The following ANKH variants were observed in gnomAD, a reference collection of about 807,000 sequenced individuals.
The protein encoded by ANKH is ANKH inorganic pyrophosphate transport regulator.
Under a neutral mutation model 49.0 loss-of-function variants are expected in ANKH, and 15 were observed. The ratio of observed to expected loss-of-function variants is 0.31; its 90% confidence interval spans 0.20 to 0.47. The LOEUF (loss-of-function observed/expected upper bound fraction) is 0.47. Ranked by LOEUF, ANKH falls within the 20% of genes least tolerant of loss-of-function variation. The probability of loss-of-function intolerance (pLI) is 1.00; values close to 1 mark genes in which losing one functional copy is unlikely to be tolerated. For synonymous variants in ANKH, 273 were observed against 260.0 expected (o/e 1.05, Z -0.48); for missense variants, 429 against 652.0 (o/e 0.66, Z 3.72).
At chr5:14,798,173 T>C (rs756070001) in intron 1 of ANKH, 5 of 1,572,490 alleles carry the variant, frequency 3.2e-6, no homozygotes, top group Non-Finnish European at 4.4e-6. Context: ...CAAGATGGTT[T>C]TGTTCATCCG....
intron 1 of ANKH, 68 bp downstream of exon 1, chr5:14,871,284 G>T: frequency 1.4e-6 from 2 of 1,390,210 alleles, no homozygotes; most frequent in Non-Finnish European, 2.0e-6. Context: ...ACTCCCCTCC[G>T]CCCCCGTGTC....
chr5:14,765,077 G>A (rs544279197), intron 2 of ANKH, among the ~76,000 whole-genome samples: 1 of 152,344 alleles, frequency 6.6e-6, no homozygotes, highest in Admixed American at 6.5e-5. Context: ...CACAACCACT[G>A]GCCTAAATGA....
At chr5:14,839,858 G>T (rs772914120) in intron 1 of ANKH, among the ~76,000 whole-genome samples, 1 of 152,164 alleles carries the variant, frequency 6.6e-6, no homozygotes, top group Non-Finnish European at 1.5e-5. Context: ...ATGCAAGCAC[G>T]TACCCCATCA....
Position 14,716,775 on chromosome 5 carries a change from CGAT to C in ANKH, c.1069_1071del (p.Ile357del), listed in dbSNP as rs1418933940. Reference sequence around the variant, plus strand: ...AGTTCTGCAAAGGCAAAGTCCACTCCGATGATGTCTATCAAGATTTTCTCAGAC... The same window carrying C: ...AGTTCTGCAAAGGCAAAGTCCACTCCGATGTCTATCAAGATTTTCTCAGAC... On this transcript the variant is annotated inframe_deletion, in exon 9 of 12. Transcript: ENST00000284268. 1 of 1,613,976 alleles carries C rather than the reference CGAT, an allele frequency of 6.2e-7. No individual in the cohort carries two copies.
chr5:14,811,131 GC>G (rs919942395), intron 1 of ANKH, among the ~76,000 whole-genome samples: 2 of 152,092 alleles, frequency 1.3e-5, no homozygotes, highest in Non-Finnish European at 2.9e-5. Flanking sequence ...GCAGCATAAT[GC>G]ATTCTGAACA....
At chr5:14,839,927 T>C (rs1326180228) in intron 1 of ANKH, among the ~76,000 whole-genome samples, 1 of 152,178 alleles carries the variant, frequency 6.6e-6, no homozygotes, top group East Asian at 1.9e-4. Flanking sequence ...GCTCAAATCA[T>C]AGAAAATTAC....
At position 14,725,309 on chromosome 5, in the gene ANKH, G is replaced by T. The variant is rs1737789931; in HGVS notation, c.1012-8474C>A. ...TGTGGACTGGGCTGCCCAGAGTGCT[G>T]GTCTGCCAACTGTGGACTGGTCCAC... On this transcript the variant is annotated intron_variant, in intron 8 of 11. Coordinates refer to ENST00000284268, the MANE Select transcript of ANKH (RefSeq NM_054027.6). The surrounding 1 kb of genome is among the most constrained non-coding windows in gnomAD (Gnocchi z 4.0). Among the ~76,000 whole-genome samples, 1 of 152,210 alleles carries T rather than the reference G, an allele frequency of 6.6e-6. No individual in the cohort carries two copies. The highest frequency in any genetic ancestry group is 6.5e-5 in the Admixed American group (1 of 15,280).
At chr5:14,813,238 T>C (rs979440943) in intron 1 of ANKH, among the ~76,000 whole-genome samples, 6 of 131,944 alleles carry the variant, frequency 4.5e-5, no homozygotes, top group Non-Finnish European at 9.6e-5. Flanking sequence ...GAAATGGCTA[T>C]TTAAAAAAAA....
intron 3 of ANKH, among the ~76,000 whole-genome samples, chr5:14,757,592 C>T (rs1440161762): frequency 6.6e-6 from 1 of 151,726 alleles, no homozygotes; most frequent in Non-Finnish European, 1.5e-5. Context: ...ATAATGAAAC[C>T]CTACCAGTAT....
At chr5:14,723,096 C>A (rs1284763266) in intron 8 of ANKH, among the ~76,000 whole-genome samples, 1 of 151,984 alleles carries the variant, frequency 6.6e-6, no homozygotes, top group Non-Finnish European at 1.5e-5. Context: ...CTCTCAGAGA[C>A]CAGAGGAGGC....
chr5:14,791,943 A>G (rs1740180631), intron 1 of ANKH, among the ~76,000 whole-genome samples: 3 of 152,226 alleles, frequency 2.0e-5, no homozygotes, highest in Non-Finnish European at 4.4e-5. Context: ...AAGAGGTTTA[A>G]AAGCTGGTCC....
intron 1 of ANKH, among the ~76,000 whole-genome samples, chr5:14,828,924 C>T (rs1335802109): frequency 3.9e-5 from 6 of 152,118 alleles, no homozygotes; most frequent in South Asian, 2.1e-4. Flanking sequence ...CAGTGGCTCA[C>T]GCCTGTAATC....
chr5:14,725,420 C>T lies in ANKH; in HGVS notation c.1012-8585G>A, dbSNP rs1737793396. Reference sequence around the variant, plus strand: ...TGCCATCCAAACAACGCCAGCTGAACTGGACATCATACCTGGTGACCAAGT... The same window carrying T: ...TGCCATCCAAACAACGCCAGCTGAATTGGACATCATACCTGGTGACCAAGT... On this transcript the variant is annotated intron_variant, in intron 8 of 11. Coordinates refer to ENST00000284268, the MANE Select transcript of ANKH (RefSeq NM_054027.6). The surrounding 1 kb of genome is among the most constrained non-coding windows in gnomAD (Gnocchi z 4.0). Among the ~76,000 whole-genome samples, 1 of 152,244 alleles carries T rather than the reference C, an allele frequency of 6.6e-6. No individual in the cohort carries two copies. Among genetic ancestry groups the T allele is most frequent in the Non-Finnish European group, 1.5e-5 (1 of 68,038 alleles).
rs1484684564 is a variant in ANKH, at chr5:14,770,982, AT to A, written c.97-1792del. Among the ~76,000 whole-genome samples the A allele has an allele frequency of 6.6e-6, 1 of 152,226 alleles. No individual in the cohort carries two copies. The highest frequency in any genetic ancestry group is 2.4e-5 in the African/African-American group (1 of 41,472). ...TCTGCTATGTAAACTGAAAGAAGAA[AT>A]GAAAGAAATGCACTTTTCCTGTCTA... On this transcript the variant is annotated intron_variant, in intron 1 of 11. Transcript: ENST00000284268. This position sits in a 1 kb window ranked among gnomAD's most constrained non-coding sequence, Gnocchi z 4.1.
intron 1 of ANKH, among the ~76,000 whole-genome samples, chr5:14,865,650 T>G (rs1223350346): frequency 6.6e-6 from 1 of 152,080 alleles, no homozygotes; most frequent in Non-Finnish European, 1.5e-5. Flanking sequence ...TGATGAAGAG[T>G]CTCTTCCCTG....
chr5:14,769,013 A>G lies in ANKH; in HGVS notation c.275T>C (p.Val92Ala), dbSNP rs920612609. The change falls in exon 2 of 12, where the codon GTG becomes GCG. Residue 92 changes from valine (V) to alanine (A), a missense_variant. By Grantham distance (64) the Val-to-Ala change is moderately conservative. Transcript: ENST00000284268. ...DRTKAVLCMV[V>A]AGAIAAVFHT... ...AAAGACGGCAGCGATGGCCCCTGCC[A>G]CCACCATACACAGGACGGCTTTGGT... 11 of 1,614,106 alleles carry G rather than the reference A, an allele frequency of 6.8e-6. No homozygotes were observed. The highest frequency in any genetic ancestry group is 1.3e-5 in the African/African-American group (1 of 74,930).
At position 14,858,328 on chromosome 5, in the gene ANKH, G is replaced by A. The variant is rs970388244; in HGVS notation, c.96+13024C>T. On this transcript the variant is annotated intron_variant, in intron 1 of 11. Coordinates refer to ENST00000284268, the MANE Select transcript of ANKH (RefSeq NM_054027.6). ...TCTTATGTCTTTATATCCTTACAGC[G>A]TAGCTCCCAATTCATCAAATTTTAG... Among the ~76,000 whole-genome samples the A allele has an allele frequency of 7.2e-5, 11 of 152,156 alleles. No individual in the cohort carries two copies. In the South Asian group the frequency reaches 2.1e-3, roughly 29 times the overall value.
intron 11 of ANKH, among the ~76,000 whole-genome samples, chr5:14,712,289 C>G (rs1472003122): frequency 6.6e-6 from 1 of 152,250 alleles, no homozygotes; most frequent in Non-Finnish European, 1.5e-5. Context: ...CTGCTACTCT[C>G]TTGACCAACT....
At chr5:14,733,626 T>C (rs1738074939) in intron 8 of ANKH, among the ~76,000 whole-genome samples, 1 of 152,272 alleles carries the variant, frequency 6.6e-6, no homozygotes, top group African/African-American at 2.4e-5. Context: ...TTTCACACAC[T>C]GCTTCATGTA....
Sources: gnomAD v4.1 joint callset for allele counts (sites outside exome capture counted in the v4.1 genomes callset) on GRCh38, gnomAD v4.1.1 for gene constraint, Gnocchi (gnomAD v3.1) non-coding constraint, MANE v1.5 for transcripts, NCBI Gene and HGNC (gene_info 2026-07-23, HGNC 2026-07-21) for gene names.